The following ULK2 variants were observed in gnomAD, a reference collection of about 807,000 sequenced individuals.
The protein encoded by ULK2 is serine/threonine-protein kinase ULK2.
ULK2 carries 76 observed loss-of-function variants against 127.5 expected under a neutral mutation model. That is an observed-to-expected ratio of 0.60 (90% CI 0.50 to 0.72). The LOEUF (loss-of-function observed/expected upper bound fraction) is 0.72. Among genes scored for constraint, ULK2 ranks in the 30% least tolerant of loss-of-function variants. The pLI, the probability that ULK2 is intolerant of heterozygous loss-of-function variation, is 0.00. For synonymous variants in ULK2, 452 were observed against 461.9 expected (o/e 0.98, Z 0.28); for missense variants, 1,144 against 1,295.9 (o/e 0.88, Z 1.80).
At chr17:19,826,714 G>A (rs1230694334) in intron 10 of ULK2, among the ~76,000 whole-genome samples, 1 of 152,194 alleles carries the variant, frequency 6.6e-6, no homozygotes, top group Non-Finnish European at 1.5e-5. Flanking sequence ...CCAGCACTTT[G>A]GGAGGCCGAG....
At position 19,796,159 on chromosome 17, in the gene ULK2, A is replaced by C. The variant is rs1310912599; in HGVS notation, c.1933T>G (p.Cys645Gly). ...DGNEPRECAHCLLVQGSERQR... is the reference protein window; with the variant it reads ...DGNEPRECAHGLLVQGSERQR... Reference sequence around the variant, plus strand: ...CTCTCACTTCCTTGCACTAAGAGGCAATGGGCACATTCCCGTGGCTCATTC... The same window carrying C: ...CTCTCACTTCCTTGCACTAAGAGGCCATGGGCACATTCCCGTGGCTCATTC... The change falls in exon 19 of 27, where the codon TGC becomes GGC. Residue 645 changes from cysteine to glycine, a missense_variant. This residue lies in a region of ULK2 where 913 missense variants were observed against 970.5 expected (regional missense o/e 0.94). Coordinates refer to ENST00000395544, the MANE Select transcript of ULK2 (RefSeq NM_014683.4). 14 of 1,614,200 alleles carry C rather than the reference A, an allele frequency of 8.7e-6. No homozygotes were observed. Among genetic ancestry groups the C allele is most frequent in the Non-Finnish European group, 1.2e-5 (14 of 1,180,034 alleles).
At chr17:19,779,902 G>A (rs563149788) in intron 25 of ULK2, among the ~76,000 whole-genome samples, 312 of 152,080 alleles carry the variant, frequency 2.1e-3, no homozygotes, top group Non-Finnish European at 3.7e-3. Flanking sequence ...GGCTGGGCAC[G>A]GTGGCTCACA....
intron 3 of ULK2, among the ~76,000 whole-genome samples, chr17:19,857,146 A>T (rs1178987676): frequency 1.3e-5 from 2 of 151,702 alleles, no homozygotes; most frequent in Non-Finnish European, 2.9e-5. Flanking sequence ...TCTCTACCAA[A>T]AATACAGACA....
rs139993339 is a variant in ULK2 at position 19,867,453 on chromosome 17, C to A, written c.-36G>T. On this transcript the variant is annotated 5_prime_UTR_variant, in exon 1 of 27. Transcript: ENST00000395544. ...CCGGGGCACACAGCGGACGGGCGGG[C>A]GGCGCAGTGCGGCGCAGGTATCAGC... is the stretch of plus-strand genomic sequence containing the variant. 7.8e-6 allele frequency: 12 copies of A among 1,541,528 alleles called. No homozygotes were observed. The highest frequency in any genetic ancestry group is 2.5e-5 in the East Asian group (1 of 39,244).
At chr17:19,834,459 A>G (rs2041541277) in intron 10 of ULK2, among the ~76,000 whole-genome samples, 1 of 151,936 alleles carries the variant, frequency 6.6e-6, no homozygotes, top group South Asian at 2.1e-4. Context: ...AACACAAAAG[A>G]GGAGGAAAGG....
chr17:19,783,833 G>A lies in ULK2; in HGVS notation c.2324C>T (p.Pro775Leu). 1 of 1,599,246 alleles carries A rather than the reference G, an allele frequency of 6.3e-7. No individual in the cohort carries two copies. Among genetic ancestry groups the A allele is most frequent in the Non-Finnish European group, 8.5e-7 (1 of 1,172,868 alleles). The change falls in exon 22 of 27, where the codon CCA becomes CTA. Residue 775 changes from proline (P) to leucine (L), a missense_variant. By Grantham distance (98) the Pro-to-Leu change is moderately conservative. Coordinates refer to ENST00000395544, the MANE Select transcript of ULK2 (RefSeq NM_014683.4). ...GRVCVGSPPG[P>L]GFGSSPPGAE... ...TCCTGGAGGGGAAGAGCCGAAGCCT[G>A]GGCCAGGCGGGGACCCCACGCACAC...
chr17:19,804,214 C>G (rs939561983), intron 15 of ULK2, among the ~76,000 whole-genome samples: 1 of 142,104 alleles, frequency 7.0e-6, no homozygotes, highest in Non-Finnish European at 1.5e-5. Flanking sequence ...GAGACCCCGT[C>G]TCTAAAAGCA....
chr17:19,805,258 A>C (rs1372127311), intron 14 of ULK2, among the ~76,000 whole-genome samples: 2 of 152,240 alleles, frequency 1.3e-5, no homozygotes, highest in Non-Finnish European at 2.9e-5. Context: ...AAGCATTCTC[A>C]AAGAGCTCTG....
chr17:19,832,028 G>T (rs896324016), intron 10 of ULK2, among the ~76,000 whole-genome samples: 1 of 151,808 alleles, frequency 6.6e-6, no homozygotes, highest in Non-Finnish European at 1.5e-5. Flanking sequence ...GGAGGCTGAA[G>T]CAGGAGTATC....
intron 3 of ULK2, among the ~76,000 whole-genome samples, chr17:19,862,970 T>G (rs2042273799): frequency 2.0e-5 from 3 of 151,944 alleles, no homozygotes; most frequent in Admixed American, 2.0e-4. Context: ...TCCCAGCATT[T>G]TGGGAGGCAG....
intron 20 of ULK2, among the ~76,000 whole-genome samples, chr17:19,791,539 G>T (rs2152384124): frequency 6.6e-6 from 1 of 152,222 alleles, no homozygotes; most frequent in East Asian, 1.9e-4. Context: ...ACAAAAATTA[G>T]CTGGGTATGG....
chr17:19,854,602 G>A (rs1361091887), intron 3 of ULK2, among the ~76,000 whole-genome samples: 2 of 152,050 alleles, frequency 1.3e-5, no homozygotes, highest in African/African-American at 2.4e-5. Flanking sequence ...TGGAAAATAA[G>A]TTGAGTCCCT....
chr17:19,833,000 G>A (rs2041497928), intron 10 of ULK2, among the ~76,000 whole-genome samples: 1 of 151,976 alleles, frequency 6.6e-6, no homozygotes, highest in South Asian at 2.1e-4. Flanking sequence ...GTGTGCACCT[G>A]TAATCCCAGC....
At chr17:19,849,592 T>C in intron 4 of ULK2, 150 bp downstream of exon 4, 1 of 819,902 alleles carries the variant, frequency 1.2e-6, no homozygotes, top group South Asian at 2.0e-5. Context: ...TGAATCAACT[T>C]TATTAATACA....
rs116879951 is a variant in ULK2, at chr17:19,862,055, T to C, written c.225+2748A>G. 2.5e-3 allele frequency among the ~76,000 whole-genome samples: 379 copies of C among 152,324 alleles called. 16 individuals are homozygous for C. In the East Asian group the frequency reaches 0.061, roughly 24 times the overall value. On this transcript the variant is annotated intron_variant, in intron 3 of 26. Transcript: ENST00000395544. ...TATGTTCAGAAGATATACATAATTC[T>C]TACAGCATTTTTCTATTAGGAAAAA...
intron 15 of ULK2, among the ~76,000 whole-genome samples, chr17:19,802,217 C>T (rs1236209459): frequency 6.6e-6 from 1 of 152,154 alleles, no homozygotes; most frequent in African/African-American, 2.4e-5. Context: ...TAAATATATA[C>T]TCCTTTTCAC....
At chr17:19,783,545 TAA>T (rs2086964107) in intron 22 of ULK2, 150 bp downstream of exon 22, 5 of 729,712 alleles carry the variant, frequency 6.9e-6, no homozygotes, top group Non-Finnish European at 7.8e-6. Context: ...AATGTTAATT[TAA>T]AAAGACATCA....
At chr17:19,829,826 G>C (rs1030838099) in intron 10 of ULK2, among the ~76,000 whole-genome samples, 1 of 107,382 alleles carries the variant, frequency 9.3e-6, no homozygotes, top group South Asian at 3.4e-4. Flanking sequence ...GTGACAGAGC[G>C]AGACTCCATT....
chr17:19,786,713 CAAAAA>C (rs71157831), intron 20 of ULK2, among the ~76,000 whole-genome samples: 3 of 127,872 alleles, frequency 2.3e-5, no homozygotes, highest in Non-Finnish European at 1.7e-5. Flanking sequence ...GGCTCCGTCT[CAAAAA>C]AAAAAAAAAA....
Sources: gnomAD v4.1 joint callset for allele counts (sites outside exome capture counted in the v4.1 genomes callset) on GRCh38, gnomAD v4.1.1 for gene constraint, gnomAD v4.1.1 regional missense constraint, MANE v1.5 for transcripts, NCBI Gene and HGNC (gene_info 2026-07-23, HGNC 2026-07-21) for gene names.